The following VMP1 variants were observed in gnomAD, a reference collection of about 807,000 sequenced individuals.
VMP1 encodes the protein vacuole membrane protein 1.
A neutral mutation model predicts 56.0 loss-of-function variants in VMP1; 11 were observed. That is an observed-to-expected ratio of 0.20 (90% confidence interval 0.12 to 0.32). VMP1 has a LOEUF of 0.32. Among genes scored for constraint, VMP1 ranks in the 10% least tolerant of loss-of-function variants. VMP1 has a pLI of 1.00. For missense variants in VMP1, 296 were observed against 490.3 expected (o/e 0.60, Z 3.74); for synonymous variants, 149 against 165.0 (o/e 0.90, Z 0.74).
intron 8 of VMP1, 124 bp downstream of exon 8, chr17:59,809,000 CA>C: frequency 4.0e-6 from 3 of 750,582 alleles, no homozygotes; most frequent in South Asian, 2.2e-5. Flanking sequence ...GTGAATCATT[CA>C]CCTTTTTTTT....
At chr17:59,750,927 T>G (rs936324447) in intron 5 of VMP1, among the ~76,000 whole-genome samples, 3 of 76,000 alleles carry the variant, frequency 3.9e-5, no homozygotes, top group Admixed American at 3.5e-4. Context: ...AGATAGCACC[T>G]TTTTTTTTTT....
At position 59,818,624 on chromosome 17, in the gene VMP1, G is replaced by A. The variant is rs368303087; in HGVS notation, c.974+851G>A. On this transcript the variant is annotated intron_variant, in intron 10 of 11. Transcript: ENST00000262291. ...CATCTCTACTAAAAATACAAAATTA[G>A]CCGGGCGTGGTGGCACATGCCTGTA... Among the ~76,000 whole-genome samples, 7 of 152,164 alleles carry A rather than the reference G, an allele frequency of 4.6e-5. 1 individual carries two copies. Among genetic ancestry groups the A allele is most frequent in the African/African-American group, 1.7e-4 (7 of 41,512 alleles).
At chr17:59,800,853 G>A (rs1405709518) in intron 7 of VMP1, among the ~76,000 whole-genome samples, 3 of 151,920 alleles carry the variant, frequency 2.0e-5, no homozygotes, top group Admixed American at 6.6e-5. Context: ...AGCCTGAGGT[G>A]GGCAGATCAC....
At chr17:59,801,325 A>G (rs1032152558) in intron 7 of VMP1, among the ~76,000 whole-genome samples, 1 of 151,430 alleles carries the variant, frequency 6.6e-6, no homozygotes, top group Admixed American at 6.6e-5. Flanking sequence ...CGCCCACTGT[A>G]GCCTCAACTT....
rs114613544 is a variant in VMP1 at position 59,797,915 on chromosome 17, C to T, written c.715-10881C>T. Among the ~76,000 whole-genome samples the T allele has an allele frequency of 1.9e-3, 294 of 152,178 alleles. 2 individuals carry two copies. Among genetic ancestry groups the T allele is most frequent in the African/African-American group, 6.7e-3 (279 of 41,520 alleles). The stretch of plus-strand genomic sequence containing the variant: ...ACTATGATAAAATAAATTTTTAAAA[C>T]GAAGTTCAAAAATAGGAAAAGCTAA... On this transcript the variant is annotated intron_variant, in intron 7 of 11. Coordinates refer to ENST00000262291, the MANE Select transcript of VMP1 (RefSeq NM_030938.5).
intron 1 of VMP1, among the ~76,000 whole-genome samples, chr17:59,710,090 C>T (rs1460277793): frequency 1.3e-5 from 2 of 151,730 alleles, no homozygotes; most frequent in Non-Finnish European, 1.5e-5. Flanking sequence ...CCAGCTACTC[C>T]GGAGGCTGAG....
intron 6 of VMP1, among the ~76,000 whole-genome samples, chr17:59,770,671 C>A (rs1032718135): frequency 6.6e-6 from 1 of 151,676 alleles, no homozygotes; most frequent in Non-Finnish European, 1.5e-5. Flanking sequence ...GCAACCTCCT[C>A]TCGTATTCCC....
intron 9 of VMP1, among the ~76,000 whole-genome samples, chr17:59,811,991 T>C (rs1568193674): frequency 1.3e-5 from 2 of 152,166 alleles, no homozygotes; most frequent in African/African-American, 4.8e-5. Context: ...CCTCCTTCCC[T>C]TTCTTCCTTC....
At position 59,841,736 on chromosome 17, in the gene VMP1, C is replaced by T. The variant is rs117526670; in HGVS notation, c.*1825C>T. The stretch of plus-strand genomic sequence containing the variant: ...ATAAATTTCTAAGTCAGCCTCTAGT[C>T]GTGGTTCATCTCTTTCACCTGCATT... On this transcript the variant is annotated 3_prime_UTR_variant, in exon 12 of 12. Coordinates refer to ENST00000262291, the MANE Select transcript of VMP1 (RefSeq NM_030938.5). 7.6e-3 allele frequency: 1,160 copies of T among 152,478 alleles called. 3 individuals carry two copies. Among genetic ancestry groups the T allele is most frequent in the Non-Finnish European group, 0.012 (850 of 68,234 alleles). The allele number at this position is 152,478 out of a possible 1,614,324, so 9.4% of individuals were successfully genotyped here.
rs999237159 is a variant in VMP1 at position 59,840,027 on chromosome 17, T to G, written c.*116T>G. On this transcript the variant is annotated 3_prime_UTR_variant, in exon 12 of 12. Coordinates refer to ENST00000262291, the MANE Select transcript of VMP1 (RefSeq NM_030938.5). The stretch of plus-strand genomic sequence containing the variant: ...CCAACCTGTATCAATTTTTACAACT[T>G]TTTTCCTGAAAGCAGTTTAGTCCAT... 4 of 1,419,784 alleles carry G rather than the reference T, an allele frequency of 2.8e-6. No homozygotes were observed. In the Admixed American group the frequency reaches 1.0e-4, roughly 37 times the overall value. 87.9% of individuals were successfully genotyped at this position (1,419,784 alleles called of 1,614,324 possible).
chr17:59,794,007 G>A (rs567176185), intron 7 of VMP1, among the ~76,000 whole-genome samples: 2 of 151,230 alleles, frequency 1.3e-5, no homozygotes, highest in South Asian at 4.2e-4. Context: ...TGCAAGCTCC[G>A]CCTCCCAGGT....
At chr17:59,787,996 T>A (rs2037066155) in intron 7 of VMP1, among the ~76,000 whole-genome samples, 1 of 152,186 alleles carries the variant, frequency 6.6e-6, no homozygotes. Context: ...AAGTTTGAAA[T>A]TGTTTATGTT....
intron 1 of VMP1, among the ~76,000 whole-genome samples, chr17:59,728,853 G>A (rs1212820677): frequency 1.3e-5 from 2 of 151,796 alleles, no homozygotes; most frequent in African/African-American, 4.8e-5. Context: ...CCATTTAAAC[G>A]GTATATTCAC....
At chr17:59,731,270 A>G (rs1211800660) in intron 1 of VMP1, 151 bp from the exon 2 acceptor site, 1 of 394,874 alleles carries the variant, frequency 2.5e-6, no homozygotes, top group South Asian at 3.6e-5. Flanking sequence ...AAATTGTTCA[A>G]ATTTTGGTTA....
At chr17:59,808,508 T>C (rs1021917595) in intron 7 of VMP1, among the ~76,000 whole-genome samples, 1 of 152,224 alleles carries the variant, frequency 6.6e-6, no homozygotes, top group Non-Finnish European at 1.5e-5. Flanking sequence ...GGTTCATGGT[T>C]AGTTTACAGT....
chr17:59,777,423 G>A lies in VMP1; in HGVS notation c.714+3538G>A, dbSNP rs574722952. Among the ~76,000 whole-genome samples, 21 of 151,472 alleles carry A rather than the reference G, an allele frequency of 1.4e-4. No individual in the cohort carries two copies. In the South Asian group the frequency reaches 3.5e-3, roughly 26 times the overall value. ...TTCTGTAATTGGTATCCAGAGGACC[G>A]ATGCCCTTCTGAGTCCTCTTTATAA... is the stretch of plus-strand genomic sequence containing the variant. On this transcript the variant is annotated intron_variant, in intron 7 of 11. Transcript: ENST00000262291.
chr17:59,734,596 G>A (rs1331403459), intron 2 of VMP1, among the ~76,000 whole-genome samples: 2 of 152,028 alleles, frequency 1.3e-5, no homozygotes, highest in African/African-American at 4.8e-5. Context: ...AGTTGGGTGC[G>A]GTGGTACACA....
intron 1 of VMP1, among the ~76,000 whole-genome samples, chr17:59,710,545 A>G (rs775708417): frequency 1.3e-5 from 2 of 152,206 alleles, no homozygotes; most frequent in African/African-American, 2.4e-5. Context: ...TTATTTACAA[A>G]CTTTTTTTCC....
chr17:59,756,420 T>G (rs2035845252), intron 5 of VMP1, among the ~76,000 whole-genome samples: 1 of 152,190 alleles, frequency 6.6e-6, no homozygotes, highest in Non-Finnish European at 1.5e-5. Context: ...CAAATAAATG[T>G]TTTCCCAGTG....
Sources: gnomAD v4.1 joint callset for allele counts (sites outside exome capture counted in the v4.1 genomes callset) on GRCh38, gnomAD v4.1.1 for gene constraint, MANE v1.5 for transcripts, NCBI Gene and HGNC (gene_info 2026-07-23, HGNC 2026-07-21) for gene names.